The following SCARA5 variants were observed in gnomAD, a reference collection of about 807,000 sequenced individuals.
The protein encoded by SCARA5 is scavenger receptor class A, member 5 (putative).
Under a neutral mutation model 46.3 loss-of-function variants are expected in SCARA5, and 45 were observed. The ratio of observed to expected loss-of-function variants is 0.97; its 90% CI spans 0.76 to 1.24. The LOEUF (loss-of-function observed/expected upper bound fraction) is 1.24, where lower values mean the gene tolerates loss of function less well. Among genes scored for constraint, SCARA5 ranks in the 50% most tolerant of loss-of-function variants. SCARA5 has a pLI of 0.00. For missense variants in SCARA5, 680 were observed against 689.0 expected (o/e 0.99, Z 0.15); for synonymous variants, 333 against 306.5 (o/e 1.09, Z -0.90).
In SCARA5 at chr8:27,871,686, G is replaced by C; in HGVS notation, c.*248C>G. The C allele has an allele frequency of 7.3e-7, 1 of 1,375,902 alleles. No individual in the cohort carries two copies. Among genetic ancestry groups the C allele is most frequent in the East Asian group, 2.8e-5 (1 of 36,138 alleles). 85.2% of individuals were successfully genotyped at this position (1,375,902 alleles called of 1,614,324 possible). A position where few individuals can be genotyped will look rare whatever the true frequency, so the allele number is the denominator to read the frequency against. On this transcript the variant is annotated 3_prime_UTR_variant, in exon 9 of 9. Transcript: ENST00000354914. The stretch of plus-strand genomic sequence containing the variant: ...GGCAAAGTGGTGATCCAGTTGATCA[G>C]GGCTCCTCATGCAGGAACCTGGTGG...
intron 2 of SCARA5, among the ~76,000 whole-genome samples, chr8:27,975,551 T>C (rs571632735): frequency 2.0e-4 from 31 of 152,230 alleles, no homozygotes; most frequent in African/African-American, 7.2e-4. Context: ...GCATCAGGAT[T>C]GAATTGAACC....
chr8:27,964,030 C>T (rs1365555137), intron 3 of SCARA5, among the ~76,000 whole-genome samples: 2 of 152,220 alleles, frequency 1.3e-5, no homozygotes, highest in African/African-American at 4.8e-5. Context: ...GAAGGCCAGG[C>T]AAGCTCTTCT....
At chr8:27,923,385 T>G (rs750548004) in intron 3 of SCARA5, among the ~76,000 whole-genome samples, 6 of 152,180 alleles carry the variant, frequency 3.9e-5, no homozygotes, top group Non-Finnish European at 5.9e-5. Context: ...AGGGGCAACA[T>G]GAGAAGAAAC....
intron 3 of SCARA5, among the ~76,000 whole-genome samples, chr8:27,955,241 A>G (rs941674484): frequency 1.3e-5 from 2 of 152,192 alleles, no homozygotes; most frequent in African/African-American, 4.8e-5. Context: ...AAACACAGCG[A>G]GGGACCCTGG....
intron 8 of SCARA5, among the ~76,000 whole-genome samples, chr8:27,876,651 C>T (rs371037852): frequency 4.1e-4 from 63 of 152,090 alleles, no homozygotes; most frequent in Admixed American, 1.2e-3. Flanking sequence ...GGAAGGTCAC[C>T]GGACACTTGG....
In SCARA5 at chr8:27,936,592, TA is replaced by T. The variant is rs71222526; in HGVS notation, c.242-14348del. Among the ~76,000 whole-genome samples, 307 of 31,322 alleles carry T rather than the reference TA, an allele frequency of 9.8e-3. 19 individuals are homozygous for T. Among genetic ancestry groups the T allele is most frequent in the Middle Eastern group, 0.14 (2 of 14 alleles). The allele number at this position is 31,322 out of a possible 152,430, so 20.5% of individuals were successfully genotyped here. ...TGAGAGAGAAAGACTGTGTCTCCAT[TA>T]AAAAAAAAAAAAAAAAAAGGTGGGG... On this transcript the variant is annotated intron_variant, in intron 3 of 8. Transcript: ENST00000354914.
intron 3 of SCARA5, among the ~76,000 whole-genome samples, chr8:27,956,207 T>G (rs1808204059): frequency 6.6e-6 from 1 of 152,182 alleles, no homozygotes; most frequent in Admixed American, 6.5e-5. Context: ...GTTCAGTACT[T>G]GAGTGATGCT....
In SCARA5 at chr8:27,879,610, C is replaced by T. The variant is rs773634850; in HGVS notation, c.1310G>A (p.Arg437His). Reference protein sequence around the residue: ...GDVVCRMLGFRGVEEVYRTAR... With the variant: ...GDVVCRMLGFHGVEEVYRTAR... ...TGTGCGGTACACCTCCTCCACACCG[C>T]GGAAGCCGAGCATGCGGCACACCAC... The change falls in exon 8 of 9, where the codon CGC becomes CAC. Residue 437 changes from arginine to histidine, a missense_variant. By Grantham distance (29) the Arg-to-His change is conservative (BLOSUM62 0). Transcript: ENST00000354914. The T allele has an allele frequency of 8.7e-6, 14 of 1,610,970 alleles. No individual in the cohort carries two copies. Among genetic ancestry groups the T allele is most frequent in the African/African-American group, 5.3e-5 (4 of 74,910 alleles).
At chr8:27,880,423 AACAG>A (rs1806793049) in intron 7 of SCARA5, among the ~76,000 whole-genome samples, 1 of 151,982 alleles carries the variant, frequency 6.6e-6, no homozygotes, top group Admixed American at 6.5e-5. Context: ...CAACAAAGTG[AACAG>A]ACAACCTACA....
intron 3 of SCARA5, among the ~76,000 whole-genome samples, chr8:27,951,586 G>A (rs1023004682): frequency 1.3e-5 from 2 of 152,194 alleles, no homozygotes; most frequent in East Asian, 1.9e-4. Flanking sequence ...CTGGACCTCC[G>A]GTGCAGAGGC....
intron 3 of SCARA5, among the ~76,000 whole-genome samples, chr8:27,925,707 G>A (rs1187302265): frequency 6.6e-6 from 1 of 152,054 alleles, no homozygotes; most frequent in African/African-American, 2.4e-5. Flanking sequence ...ATCTGACAAA[G>A]GGCTAATATC....
chr8:27,883,319 G>A (rs17481318), intron 7 of SCARA5, among the ~76,000 whole-genome samples: 10,022 of 152,250 alleles, frequency 0.066, 372 homozygotes, highest in South Asian at 0.11. Flanking sequence ...GTCTCAGGGT[G>A]AAACACATGG....
intron 7 of SCARA5, among the ~76,000 whole-genome samples, chr8:27,889,330 A>G (rs1281739557): frequency 2.0e-5 from 3 of 152,196 alleles, no homozygotes; most frequent in Non-Finnish European, 4.4e-5. Context: ...TAATTATGAC[A>G]TCATCTTTGG....
At chr8:27,938,813 G>A (rs771911168) in intron 3 of SCARA5, among the ~76,000 whole-genome samples, 5 of 152,098 alleles carry the variant, frequency 3.3e-5, no homozygotes, top group South Asian at 2.1e-4. Context: ...CCCACCCATC[G>A]TAAACTAGTA....
chr8:27,902,451 G>T (rs867468551), intron 7 of SCARA5, among the ~76,000 whole-genome samples: 131 of 152,262 alleles, frequency 8.6e-4, no homozygotes, highest in African/African-American at 3.1e-3. Context: ...GGAGCAAGGT[G>T]AATAGAGACC....
chr8:27,928,800 G>A (rs1379600776), intron 3 of SCARA5, among the ~76,000 whole-genome samples: 1 of 151,988 alleles, frequency 6.6e-6, no homozygotes, highest in Non-Finnish European at 1.5e-5. Flanking sequence ...TGAGTAGTTA[G>A]GACTACAGGC....
In SCARA5 at chr8:27,892,973, C is replaced by T. The variant is rs557098093; in HGVS notation, c.1153+11805G>A. Among the ~76,000 whole-genome samples the T allele has an allele frequency of 5.9e-4, 90 of 152,052 alleles. 1 individual carries two copies. The highest frequency in any genetic ancestry group is 5.9e-3 in the Admixed American group (90 of 15,292). ...GCAACAGGGCATGTCAAGGACTTGG[C>T]ACCTAACGTGAGGTCTCATCATTGT... On this transcript the variant is annotated intron_variant, in intron 7 of 8. Coordinates refer to ENST00000354914, the MANE Select transcript of SCARA5 (RefSeq NM_173833.6).
intron 3 of SCARA5, among the ~76,000 whole-genome samples, chr8:27,964,075 T>A (rs1407048667): frequency 1.3e-5 from 2 of 152,170 alleles, no homozygotes; most frequent in East Asian, 3.8e-4. Flanking sequence ...TGACCCCTGA[T>A]CTTGGTATCT....
intron 3 of SCARA5, among the ~76,000 whole-genome samples, chr8:27,927,961 G>A (rs1297567171): frequency 6.6e-6 from 1 of 152,186 alleles, no homozygotes; most frequent in Admixed American, 6.5e-5. Flanking sequence ...CCTTTTCAAG[G>A]TGATGCATCA....
Sources: allele counts gnomAD v4.1 joint callset (sites outside exome capture counted in the v4.1 genomes callset), GRCh38; gene constraint gnomAD v4.1.1; transcripts MANE v1.5; gene names NCBI Gene and HGNC (gene_info 2026-07-23, HGNC 2026-07-21).